Variants in RGSL1 observed in about 807,000 individuals in gnomAD.
RGSL1 encodes regulator of G protein signaling like 1, also known as regulator of G protein signaling protein-like.
Under a neutral mutation model 124.7 loss-of-function variants are expected in RGSL1, and 97 were observed. That is an observed-to-expected ratio of 0.78 (90% confidence interval 0.66 to 0.92). The LOEUF (loss-of-function observed/expected upper bound fraction) is 0.92. Ranked by LOEUF, RGSL1 falls within the 40% of genes least tolerant of loss-of-function variation. The pLI, the probability that RGSL1 is intolerant of heterozygous loss-of-function variation, is 0.00. For synonymous variants in RGSL1, 424 were observed against 438.1 expected (o/e 0.97, Z 0.40); for missense variants, 1,233 against 1,288.4 (o/e 0.96, Z 0.66).
At chr1:182,539,780 G>A in intron 14 of RGSL1, among the ~76,000 whole-genome samples, 1 of 152,136 alleles carries the variant, frequency 6.6e-6, no homozygotes, top group Non-Finnish European at 1.5e-5. Flanking sequence ...AGTCTCTTCT[G>A]TACTCTAGCT....
At chr1:182,548,976 C>A in intron 17 of RGSL1, 152 bp downstream of exon 17, 2 of 888,254 alleles carry the variant, frequency 2.3e-6, no homozygotes, top group Non-Finnish European at 3.3e-6. Context: ...TCACCTCACT[C>A]CATCCCTCAC....
At chr1:182,456,782 A>G (rs952422149) in intron 2 of RGSL1, among the ~76,000 whole-genome samples, 1 of 152,006 alleles carries the variant, frequency 6.6e-6, no homozygotes, top group East Asian at 1.9e-4. Context: ...CATGTTGAAT[A>G]CTCCTTAAGT....
At chr1:182,527,893 G>A (rs181551804) in intron 11 of RGSL1, 121 bp downstream of exon 11, 7,634 of 691,060 alleles carry the variant, frequency 0.011, 70 homozygotes, top group Non-Finnish European at 0.014. Context: ...CAGCCACATG[G>A]GGCAATATTG....
chr1:182,494,772 C>T (rs1655797539), intron 9 of RGSL1, among the ~76,000 whole-genome samples: 1 of 152,186 alleles, frequency 6.6e-6, no homozygotes, highest in Non-Finnish European at 1.5e-5. Context: ...TCTCCCCTAG[C>T]ATTCTGGTAG....
intron 6 of RGSL1, among the ~76,000 whole-genome samples, chr1:182,484,479 G>A (rs1410226100): frequency 6.6e-6 from 1 of 152,176 alleles, no homozygotes; most frequent in African/African-American, 2.4e-5. Flanking sequence ...CCAGGGGCCA[G>A]GGTACAGCAG....
chr1:182,469,626 C>T (rs1653651424), intron 4 of RGSL1, among the ~76,000 whole-genome samples: 1 of 152,032 alleles, frequency 6.6e-6, no homozygotes, highest in Non-Finnish European at 1.5e-5. Context: ...ATAGAATTAC[C>T]ATATGGTCCA....
intron 8 of RGSL1, among the ~76,000 whole-genome samples, chr1:182,489,645 C>G (rs1655377872): frequency 6.6e-6 from 1 of 152,258 alleles, no homozygotes; most frequent in Non-Finnish European, 1.5e-5. Flanking sequence ...ACATAACACA[C>G]CAGCCCACCC....
intron 8 of RGSL1, among the ~76,000 whole-genome samples, chr1:182,489,925 G>A (rs887459371): frequency 6.6e-6 from 1 of 152,104 alleles, no homozygotes; most frequent in Admixed American, 6.6e-5. Context: ...TGAGCATAGT[G>A]CTTTAATTAT....
At chr1:182,505,716 C>T (rs540229795) in intron 9 of RGSL1, among the ~76,000 whole-genome samples, 70 of 152,174 alleles carry the variant, frequency 4.6e-4, no homozygotes, top group African/African-American at 1.7e-3. Context: ...TATTATATCT[C>T]TCCATTATAT....
At chr1:182,496,910 A>G (rs538070970) in intron 9 of RGSL1, among the ~76,000 whole-genome samples, 2 of 152,032 alleles carry the variant, frequency 1.3e-5, no homozygotes, top group South Asian at 4.1e-4. Context: ...GATATAGTGG[A>G]CCCTTCAGTC....
At position 182,486,821 on chromosome 1, in the gene RGSL1, A is replaced by G. The variant is rs1280028004; in HGVS notation, c.1432-1464A>G. Among the ~76,000 whole-genome samples, 15 of 152,214 alleles carry G rather than the reference A, an allele frequency of 9.9e-5. 1 individual carries two copies. The South Asian group carries it at 2.9e-3, about 30-fold the overall frequency. On this transcript the variant is annotated intron_variant, in intron 6 of 21. Transcript: ENST00000294854. ...CTCCCAAGTAGCTGGGATTACAGGC[A>G]TGTGCCACCATGACAAGCTAATTTT...
chr1:182,532,915 A>C (rs1209239190), intron 14 of RGSL1, 124 bp downstream of exon 14: 1 of 1,091,706 alleles, frequency 9.2e-7, no homozygotes, highest in Non-Finnish European at 1.3e-6. Flanking sequence ...AAAAAAACCC[A>C]GGTCCTGTGT....
At chr1:182,482,912 A>T (rs1034563086) in intron 6 of RGSL1, among the ~76,000 whole-genome samples, 9 of 152,250 alleles carry the variant, frequency 5.9e-5, no homozygotes, top group Non-Finnish European at 1.2e-4. Flanking sequence ...AATGTGGTGT[A>T]TATGATGCAG....
Position 182,473,957 on chromosome 1 carries a change from A to C in RGSL1, c.846A>C (p.Thr282=), listed in dbSNP as rs1157800473. ...PDAIGMPLQE[T]CPQEKVVIQM... is the part of the protein sequence containing the mutation. The stretch of plus-strand genomic sequence containing the variant: ...CTATTGGTATGCCCCTACAGGAGAC[A>C]TGTCCTCAAGAGAAGGTGGTTATAC... The change falls in exon 6 of 22, where the codon ACA becomes ACC. Residue 282 remains threonine, a synonymous_variant. Coordinates refer to ENST00000294854, the MANE Select transcript of RGSL1 (RefSeq NM_001137669.2). 6.4e-7 allele frequency: 1 copy of C among 1,552,112 alleles called. No individual in the cohort carries two copies.
At chr1:182,530,675 A>T (rs1659108054) in intron 12 of RGSL1, 115 bp from the exon 13 acceptor site, 1 of 1,205,672 alleles carries the variant, frequency 8.3e-7, no homozygotes, top group African/African-American at 1.6e-5. Context: ...GTATTTTACT[A>T]TTCCCCAATT....
In RGSL1 at chr1:182,473,761, C is replaced by T. The variant is rs1414081627; in HGVS notation, c.650C>T (p.Thr217Ile). ...CATGGTCTGATGCAAGAGTACGAGA[C>T]TCGCTTATACAGCGTTTGCTACACC... ...ACHGLMQEYE[T>I]RLYSVCYTHI... is the part of the protein sequence containing the mutation. The change falls in exon 6 of 22, where the codon ACT becomes ATT. Residue 217 changes from threonine to isoleucine, a missense_variant. Coordinates refer to ENST00000294854, the MANE Select transcript of RGSL1 (RefSeq NM_001137669.2). The T allele has an allele frequency of 6.4e-7, 1 of 1,551,610 alleles. No homozygotes were observed. Among genetic ancestry groups the T allele is most frequent in the African/African-American group, 1.4e-5 (1 of 73,040 alleles).
chr1:182,510,958 G>A (rs982425121), intron 9 of RGSL1, among the ~76,000 whole-genome samples: 1 of 151,858 alleles, frequency 6.6e-6, no homozygotes, highest in Non-Finnish European at 1.5e-5. Flanking sequence ...TTTTTATTTT[G>A]GTTGCTGGTG....
chr1:182,455,221 A>G (rs772793701), intron 2 of RGSL1, among the ~76,000 whole-genome samples: 9 of 152,188 alleles, frequency 5.9e-5, no homozygotes, highest in Admixed American at 1.3e-4. Flanking sequence ...CAAGACAAAT[A>G]TTAAAAGACA....
rs183571019 is a variant in RGSL1 at position 182,538,108 on chromosome 1, C to A, written c.2495-2139C>A. On this transcript the variant is annotated intron_variant, in intron 14 of 21. Coordinates refer to ENST00000294854, the MANE Select transcript of RGSL1 (RefSeq NM_001137669.2). ...GTCTCAGTGATCACTGTCCTTAATT[C>A]TCTGACAGTCAGTGTCTTAAAAACT... Among the ~76,000 whole-genome samples the A allele has an allele frequency of 1.5e-3, 232 of 152,318 alleles. 1 individual carries two copies. The highest frequency in any genetic ancestry group is 5.2e-3 in the African/African-American group (218 of 41,576).
Sources: allele counts gnomAD v4.1 joint callset (sites outside exome capture counted in the v4.1 genomes callset), GRCh38; gene constraint gnomAD v4.1.1; transcripts MANE v1.5; gene names NCBI Gene and HGNC (gene_info 2026-07-23, HGNC 2026-07-21).